Variants in POFUT3 observed in about 807,000 individuals in gnomAD.
POFUT3 encodes GDP-fucose protein O-fucosyltransferase 3.
chr8:33,387,640 C>G, the POFUT3 span, among the ~76,000 whole-genome samples: 1 of 152,084 alleles, frequency 6.6e-6, no homozygotes, highest in South Asian at 2.1e-4. Flanking sequence ...CCCGTCTCTA[C>G]TAAAAATACA....
At chr8:33,461,695 T>C in the POFUT3 span, 1 of 1,445,122 alleles carries the variant, frequency 6.9e-7, no homozygotes, top group African/African-American at 1.4e-5. Flanking sequence ...CAGCTGGAGA[T>C]TTCTCCAAAT....
At chr8:33,310,358 G>A in the POFUT3 span, among the ~76,000 whole-genome samples, 1 of 152,080 alleles carries the variant, frequency 6.6e-6, no homozygotes, top group Non-Finnish European at 1.5e-5. Flanking sequence ...TCAGTTCTTC[G>A]TCTTGTTTCT....
chr8:33,380,124 CTATA>C, the POFUT3 span, among the ~76,000 whole-genome samples: 5 of 51,216 alleles, frequency 9.8e-5, no homozygotes, highest in African/African-American at 4.1e-4. Context: ...TATATATACA[CTATA>C]TATATATACT....
chr8:33,358,784 C>T, the POFUT3 span, among the ~76,000 whole-genome samples: 1 of 151,920 alleles, frequency 6.6e-6, no homozygotes, highest in Admixed American at 6.6e-5. Flanking sequence ...AGGAAGATTG[C>T]CTGAGCTCAG....
the POFUT3 span, among the ~76,000 whole-genome samples, chr8:33,450,302 A>G: frequency 1.7e-4 from 26 of 152,238 alleles, no homozygotes; most frequent in Non-Finnish European, 3.5e-4. Context: ...AAACCCCACA[A>G]AGACTTGTTG....
At chr8:33,417,633 G>A in the POFUT3 span, among the ~76,000 whole-genome samples, 1 of 152,102 alleles carries the variant, frequency 6.6e-6, no homozygotes, top group African/African-American at 2.4e-5. Flanking sequence ...TATTCAGCAG[G>A]GTTAGGGAAC....
At chr8:33,309,031 C>T in the POFUT3 span, among the ~76,000 whole-genome samples, 1 of 145,652 alleles carries the variant, frequency 6.9e-6, no homozygotes, top group Admixed American at 6.9e-5. Context: ...TGTTGCTTCC[C>T]AGTCTGGTGG....
At chr8:33,338,723 C>T in the POFUT3 span, 1 of 152,134 alleles carries the variant, frequency 6.6e-6, no homozygotes, top group Admixed American at 6.5e-5. Context: ...GTTCCCTCCT[C>T]GGGTGTCATC....
chr8:33,451,855 T>A, the POFUT3 span: 1 of 151,862 alleles, frequency 6.6e-6, no homozygotes, highest in Non-Finnish European at 1.5e-5. Flanking sequence ...ATGGAGTGAG[T>A]GCCAGCAGGG....
chr8:33,389,511 C>A, the POFUT3 span: 2 of 1,614,056 alleles, frequency 1.2e-6, no homozygotes, highest in African/African-American at 2.7e-5. Flanking sequence ...GATGGTGGGT[C>A]ACAGTCTGAC....
chr8:33,443,467 C>T, the POFUT3 span, among the ~76,000 whole-genome samples: 1 of 152,204 alleles, frequency 6.6e-6, no homozygotes, highest in South Asian at 2.1e-4. Flanking sequence ...AACATGCTTA[C>T]TGTGCTATGT....
chr8:33,317,562 G>T, the POFUT3 span, among the ~76,000 whole-genome samples: 1 of 152,016 alleles, frequency 6.6e-6, no homozygotes, highest in Non-Finnish European at 1.5e-5. Context: ...TTGGAATTTT[G>T]CCTGTAACAT....
At chr8:33,320,763 T>C in the POFUT3 span, among the ~76,000 whole-genome samples, 6 of 152,220 alleles carry the variant, frequency 3.9e-5, no homozygotes, top group African/African-American at 1.4e-4. Flanking sequence ...GGGCTTCTCA[T>C]AGCTAGACTT....
At chr8:33,355,293 C>A in the POFUT3 span, among the ~76,000 whole-genome samples, 1 of 152,170 alleles carries the variant, frequency 6.6e-6, no homozygotes, top group East Asian at 1.9e-4. Flanking sequence ...AGGCTCCCTT[C>A]CACTTGTAAA....
the POFUT3 span, among the ~76,000 whole-genome samples, chr8:33,310,410 A>G: frequency 6.6e-6 from 1 of 152,212 alleles, no homozygotes; most frequent in African/African-American, 2.4e-5. Context: ...GTCCTTTTTC[A>G]AAACACAATA....
chr8:33,309,046 A>T, the POFUT3 span, among the ~76,000 whole-genome samples: 61,338 of 132,106 alleles, frequency 0.46, 14,636 homozygotes, highest in East Asian at 0.81. Flanking sequence ...TGGTGGCGAA[A>T]CCTCCATAGT....
At chr8:33,362,960 G>A in the POFUT3 span, among the ~76,000 whole-genome samples, 2 of 152,156 alleles carry the variant, frequency 1.3e-5, no homozygotes, top group African/African-American at 2.4e-5. Flanking sequence ...CAAATCAACA[G>A]AATATACATT....
the POFUT3 span, among the ~76,000 whole-genome samples, chr8:33,429,122 T>C: frequency 3.9e-5 from 6 of 152,234 alleles, no homozygotes; most frequent in African/African-American, 1.2e-4. Context: ...CTAAAGAAAA[T>C]GGTTTTCTAT....
At chr8:33,414,439 G>A in the POFUT3 span, among the ~76,000 whole-genome samples, 1 of 152,136 alleles carries the variant, frequency 6.6e-6, no homozygotes, top group African/African-American at 2.4e-5. Flanking sequence ...TCTGCCCTAT[G>A]AAGAGAGTAT....
Sources: allele counts gnomAD v4.1 joint callset (sites outside exome capture counted in the v4.1 genomes callset), GRCh38; gene constraint gnomAD v4.1.1; transcripts MANE v1.5; gene names NCBI Gene and HGNC (gene_info 2026-07-23, HGNC 2026-07-21).